CSNK1G2: variants seen among roughly 807,000 people sequenced by gnomAD.
CSNK1G2 encodes casein kinase 1 gamma 2.
Under a neutral mutation model 48.0 loss-of-function variants are expected in CSNK1G2, and 11 were observed. The ratio of observed to expected loss-of-function variants is 0.23; its 90% confidence interval spans 0.14 to 0.38. The LOEUF (loss-of-function observed/expected upper bound fraction) is 0.38, where lower values mean the gene tolerates loss of function less well. Ranked by LOEUF, CSNK1G2 falls within the 10% of genes least tolerant of loss-of-function variation. The pLI, the probability that CSNK1G2 is intolerant of heterozygous loss-of-function variation, is 1.00. For synonymous variants in CSNK1G2, 337 were observed against 254.1 expected, an observed-to-expected ratio of 1.33 and a Z score of -3.10; for missense variants, 446 against 595.5, an observed-to-expected ratio of 0.75 and a Z score of 2.61.
At chr19:1,943,621 G>C (rs1465070573) in intron 1 of CSNK1G2, among the ~76,000 whole-genome samples, 1 of 152,006 alleles carries the variant, frequency 6.6e-6, no homozygotes, top group East Asian at 1.9e-4. Context: ...CGGTTGGGAG[G>C]GGGGGCACTG....
intron 1 of CSNK1G2, among the ~76,000 whole-genome samples, chr19:1,941,660 C>T (rs1241308604): frequency 2.0e-5 from 3 of 150,090 alleles, no homozygotes; most frequent in Non-Finnish European, 4.4e-5. Context: ...ACCCCAGCGT[C>T]CCCCACCGCC....
chr19:1,953,552 A>G (rs1308715982), intron 1 of CSNK1G2: 3 of 514,456 alleles, frequency 5.8e-6, no homozygotes, highest in Non-Finnish European at 8.0e-6. Flanking sequence ...TTGCAGGGAC[A>G]GTGCCCTCCG....
chr19:1,978,826 G>C lies in CSNK1G2; in HGVS notation c.448-33G>C, dbSNP rs767651270. On this transcript the variant is annotated intron_variant, in intron 5 of 11. Transcript: ENST00000255641. The surrounding 1 kb of genome is among the most constrained non-coding windows in gnomAD (Gnocchi z 7.3). Reference sequence around the variant, plus strand: ...GGAGGGGAGCGCGTGGGACGGGGAGGGGCCCGGCCGACACCGCCGTGCCCC... The same window carrying C: ...GGAGGGGAGCGCGTGGGACGGGGAGCGGCCCGGCCGACACCGCCGTGCCCC... The C allele has an allele frequency of 5.0e-6, 8 of 1,592,140 alleles. No individual in the cohort carries two copies. The highest frequency in any genetic ancestry group is 1.1e-5 in the South Asian group (1 of 89,732).
At position 1,979,994 on chromosome 19, in the gene CSNK1G2, G is replaced by A. The variant is rs1340370003; in HGVS notation, c.1170G>A (p.Glu390=). 6.3e-7 allele frequency: 1 copy of A among 1,581,988 alleles called. No individual in the cohort carries two copies. Among genetic ancestry groups the A allele is most frequent in the South Asian group, 1.1e-5 (1 of 87,022 alleles). ...ACGCCCCGATCACAGCGCCTGCAGAGGTGGAGGTGGCCGATGAAACCAAGT... is the reference window on the plus strand; with the variant it reads ...ACGCCCCGATCACAGCGCCTGCAGAAGTGGAGGTGGCCGATGAAACCAAGT... The part of the protein sequence containing the change: ...HSNAPITAPA[E]VEVADETKCC... Residue 390 remains glutamate (E), a synonymous_variant, in exon 11 of 12, where the codon GAG becomes GAA. Transcript: ENST00000255641.
At chr19:1,965,028 A>T (rs1568194319) in intron 1 of CSNK1G2, among the ~76,000 whole-genome samples, 1 of 149,372 alleles carries the variant, frequency 6.7e-6, no homozygotes, top group East Asian at 2.1e-4. Context: ...GCCTGGCCAA[A>T]AAGATTTCTT....
chr19:1,959,502 C>G (rs2015117695), intron 1 of CSNK1G2, among the ~76,000 whole-genome samples: 2 of 151,236 alleles, frequency 1.3e-5, no homozygotes, highest in African/African-American at 4.9e-5. Flanking sequence ...CGGCCCCCAG[C>G]ACCCGCCCCA....
intron 1 of CSNK1G2, among the ~76,000 whole-genome samples, chr19:1,964,268 G>T (rs963442175): frequency 6.6e-6 from 1 of 151,302 alleles, no homozygotes; most frequent in African/African-American, 2.4e-5. Flanking sequence ...ACTCCTGCCT[G>T]GGTGACAGAG....
chr19:1,954,075 C>T lies in CSNK1G2; in HGVS notation c.-266+12657C>T, dbSNP rs144317931. 32 of 501,272 alleles carry T rather than the reference C, an allele frequency of 6.4e-5. No individual in the cohort carries two copies. The East Asian group carries it at 1.4e-3, about 22-fold the overall frequency. The allele number at this position is 501,272 out of a possible 1,614,324, so 31.1% of individuals were successfully genotyped here. On this transcript the variant is annotated intron_variant, in intron 1 of 11. Transcript: ENST00000255641. ...CCTCAGCTTCCTCCCATGGGGTGGG[C>T]GGCTTCCCTCCTCTCCCTGATTTGT...
At chr19:1,950,516 A>T (rs2014726348) in intron 1 of CSNK1G2, among the ~76,000 whole-genome samples, 1 of 147,018 alleles carries the variant, frequency 6.8e-6, no homozygotes, top group Non-Finnish European at 1.5e-5. Context: ...CATCTGAAGA[A>T]GATGTTCTTT....
rs1295027176 is a variant in CSNK1G2, at chr19:1,957,668, C to T, written c.-265-11840C>T. Among the ~76,000 whole-genome samples, 2 of 152,130 alleles carry T rather than the reference C, an allele frequency of 1.3e-5. No homozygotes were observed. Among genetic ancestry groups the T allele is most frequent in the Admixed American group, 6.5e-5 (1 of 15,282 alleles). On this transcript the variant is annotated intron_variant, in intron 1 of 11. Coordinates refer to ENST00000255641, the MANE Select transcript of CSNK1G2 (RefSeq NM_001319.7). The surrounding 1 kb of genome is among the most constrained non-coding windows in gnomAD (Gnocchi z 5.4). ...CCACACAGGCAGAGACTGGAGGGTG[C>T]GCAGGACCCCGGGTGACTGCAGACG...
At chr19:1,950,441 C>T (rs59553652) in intron 1 of CSNK1G2, among the ~76,000 whole-genome samples, 66,234 of 146,080 alleles carry the variant, frequency 0.45, 19,706 homozygotes, top group Middle Eastern at 0.57. Flanking sequence ...GCCTGGCCAT[C>T]AATGTTTATT....
At chr19:1,973,981 G>A (rs931436028) in intron 2 of CSNK1G2, among the ~76,000 whole-genome samples, 2 of 152,026 alleles carry the variant, frequency 1.3e-5, no homozygotes, top group Non-Finnish European at 2.9e-5. Context: ...TCCGCCTCCC[G>A]GGTTCAAGCA....
intron 1 of CSNK1G2, among the ~76,000 whole-genome samples, chr19:1,965,547 C>G (rs551986618): frequency 8.5e-5 from 13 of 152,218 alleles, no homozygotes; most frequent in African/African-American, 2.9e-4. Flanking sequence ...GTCACCCAGG[C>G]TGGAGTGCAG....
At position 1,979,804 on chromosome 19, in the gene CSNK1G2, G is replaced by C. The variant is rs1024643096; in HGVS notation, c.1055G>C (p.Arg352Pro). 1 of 1,607,020 alleles carries C rather than the reference G, an allele frequency of 6.2e-7. No individual in the cohort carries two copies. The highest frequency in any genetic ancestry group is 8.5e-7 in the Non-Finnish European group (1 of 1,178,214). ...GACCTGCCCTCCCAGCCTCAGCTCC[G>C]GGACAAAACCCAGCCGCACAGCAAA... Reference protein sequence around the residue: ...HTDLPSQPQLRDKTQPHSKNQ... With the variant: ...HTDLPSQPQLPDKTQPHSKNQ... The change falls in exon 10 of 12, where the codon CGG becomes CCG. Residue 352 changes from arginine to proline, a missense_variant. Physicochemically the swap from Arg to Pro is moderately radical, Grantham distance 103. This residue lies in a region of CSNK1G2 where 188 missense variants were observed against 179.6 expected (regional missense o/e 1.05). Coordinates refer to ENST00000255641, the MANE Select transcript of CSNK1G2 (RefSeq NM_001319.7).
intron 1 of CSNK1G2, among the ~76,000 whole-genome samples, chr19:1,958,018 G>A (rs2145533385): frequency 6.6e-6 from 1 of 152,274 alleles, no homozygotes; most frequent in South Asian, 2.1e-4. Context: ...GAAGCCGGGT[G>A]TTGGGACGCG....
chr19:1,974,798 A>G (rs1484704602), intron 2 of CSNK1G2: 2 of 152,232 alleles, frequency 1.3e-5, no homozygotes, highest in African/African-American at 2.4e-5. Flanking sequence ...GAAGTAGAGA[A>G]TCCAGGGAGG....
intron 2 of CSNK1G2, chr19:1,975,691 G>C (rs972532033): frequency 1.0e-6 from 1 of 982,576 alleles, no homozygotes; most frequent in South Asian, 4.7e-5. Flanking sequence ...TCAGGGGGCA[G>C]TGTCCTGAGC....
chr19:1,944,084 C>T (rs774026512), intron 1 of CSNK1G2, among the ~76,000 whole-genome samples: 1 of 151,992 alleles, frequency 6.6e-6, no homozygotes, highest in Non-Finnish European at 1.5e-5. Flanking sequence ...GCGGTGGTGG[C>T]GGGCAGCTGT....
intron 1 of CSNK1G2, among the ~76,000 whole-genome samples, chr19:1,968,625 G>C (rs1340665729): frequency 6.6e-6 from 1 of 152,208 alleles, no homozygotes; most frequent in Non-Finnish European, 1.5e-5. Context: ...GGGGCTGTGG[G>C]CTGGGGTCCC....
Sources: allele counts gnomAD v4.1 joint callset (sites outside exome capture counted in the v4.1 genomes callset), GRCh38; gene constraint gnomAD v4.1.1; regional missense constraint gnomAD v4.1.1; non-coding constraint Gnocchi (gnomAD v3.1); transcripts MANE v1.5; gene names NCBI Gene and HGNC (gene_info 2026-07-23, HGNC 2026-07-21).